GIGYF2: variants seen among roughly 807,000 people sequenced by gnomAD.
GIGYF2 encodes GRB10-interacting GYF protein 2.
GIGYF2 carries 25 observed loss-of-function variants against 208.1 expected under a neutral mutation model. The observed-to-expected ratio is 0.12, with a 90% CI of 0.09 to 0.17. The LOEUF (loss-of-function observed/expected upper bound fraction) is 0.17, where lower values mean the gene tolerates loss of function less well. GIGYF2 is among the 10% of genes least tolerant of loss of function. GIGYF2 has a pLI of 1.00. For synonymous variants in GIGYF2, 534 were observed against 543.8 expected (o/e 0.98, Z 0.25); for missense variants, 1,302 against 1,579.4 (o/e 0.82, Z 2.98).
At chr2:232,810,705 T>C (rs1000029477) in intron 16 of GIGYF2, 6 of 168,974 alleles carry the variant, frequency 3.6e-5, no homozygotes, top group Admixed American at 3.4e-4. Context: ...CAACAGAGAG[T>C]ATATGAGCTG....
chr2:232,796,966 C>G (rs867300917), intron 14 of GIGYF2, among the ~76,000 whole-genome samples: 13 of 152,126 alleles, frequency 8.5e-5, no homozygotes, highest in Admixed American at 2.0e-4. Context: ...GTTTAAGACG[C>G]TCAGCTCTGG....
At chr2:232,715,721 T>C (rs1696646366) in intron 2 of GIGYF2, among the ~76,000 whole-genome samples, 1 of 152,118 alleles carries the variant, frequency 6.6e-6, no homozygotes, top group South Asian at 2.1e-4. Flanking sequence ...TACTCAAAAA[T>C]GTTGGTGTAT....
chr2:232,747,921 TCA>T (rs148666172), intron 4 of GIGYF2, among the ~76,000 whole-genome samples, 177 bp downstream of exon 4: 3,416 of 152,336 alleles, frequency 0.022, 134 homozygotes, highest in African/African-American at 0.077. Flanking sequence ...CTAAGTGTTA[TCA>T]CACACTATAT....
chr2:232,847,529 G>GCAGCCGCCA lies in GIGYF2; in HGVS notation c.3646_3647insCGCCACAGC (p.Gln1215_Gln1216insProProGln), dbSNP rs1559168214. The stretch of plus-strand genomic sequence containing the variant: ...AGCAGCAGCTGCCACAGCAGCAGCA[G>GCAGCCGCCA]CAGCAGCCGCCACAGCAGCCGCCAC... On this transcript the variant is annotated inframe_insertion, in exon 27 of 29. Coordinates refer to ENST00000373563, the MANE Select transcript of GIGYF2 (RefSeq NM_001103146.3). The GCAGCCGCCA allele has an allele frequency of 3.1e-6, 5 of 1,607,012 alleles. No homozygotes were observed. Among genetic ancestry groups the GCAGCCGCCA allele is most frequent in the Admixed American group, 1.7e-5 (1 of 59,814 alleles).
At chr2:232,817,828 G>T (rs938185936) in intron 20 of GIGYF2, among the ~76,000 whole-genome samples, 2 of 152,154 alleles carry the variant, frequency 1.3e-5, no homozygotes. Flanking sequence ...GAATAATGCT[G>T]CTGTGAACAC....
At chr2:232,760,196 C>T (rs1698694804) in intron 6 of GIGYF2, 1 of 277,282 alleles carries the variant, frequency 3.6e-6, no homozygotes, top group African/African-American at 2.2e-5. Context: ...CACTATTCAA[C>T]TGTTCGTTAA....
intron 8 of GIGYF2, chr2:232,768,892 C>T: frequency 8.2e-7 from 1 of 1,226,414 alleles, no homozygotes; most frequent in Non-Finnish European, 1.1e-6. Flanking sequence ...AAGTGTATAT[C>T]AAATATTTAC....
At chr2:232,759,687 T>A (rs947784878) in intron 6 of GIGYF2, among the ~76,000 whole-genome samples, 2 of 152,284 alleles carry the variant, frequency 1.3e-5, no homozygotes, top group Non-Finnish European at 1.5e-5. Context: ...TTTTTTTTTT[T>A]AATTACAGTG....
intron 3 of GIGYF2, 21 bp downstream of exon 3, chr2:232,735,259 CT>C: frequency 6.4e-7 from 1 of 1,551,760 alleles, no homozygotes; most frequent in Non-Finnish European, 8.9e-7. Context: ...AAAATCTCAT[CT>C]TCTTTGATAT....
At chr2:232,795,581 G>A (rs1193407245) in intron 13 of GIGYF2, among the ~76,000 whole-genome samples, 2 of 152,088 alleles carry the variant, frequency 1.3e-5, no homozygotes, top group Non-Finnish European at 2.9e-5. Flanking sequence ...ATTTAGAGTT[G>A]ACCAACAGCT....
chr2:232,817,420 A>G (rs1700948555), intron 20 of GIGYF2, among the ~76,000 whole-genome samples: 1 of 152,228 alleles, frequency 6.6e-6, no homozygotes, highest in Non-Finnish European at 1.5e-5. Context: ...TACCATTTTA[A>G]GTGTACTTTC....
At chr2:232,813,903 T>C (rs1382418803) in intron 18 of GIGYF2, among the ~76,000 whole-genome samples, 1 of 146,624 alleles carries the variant, frequency 6.8e-6, no homozygotes, top group Admixed American at 6.8e-5. Flanking sequence ...TTTTTTTTTT[T>C]TTGAGACAGA....
At chr2:232,718,077 ATTT>A (rs1696772511) in intron 2 of GIGYF2, among the ~76,000 whole-genome samples, 4 of 151,786 alleles carry the variant, frequency 2.6e-5, no homozygotes, top group South Asian at 4.2e-4. Context: ...AATATCAGTA[ATTT>A]TTTTTGTTGT....
At chr2:232,823,230 T>C (rs1417815350) in intron 21 of GIGYF2, among the ~76,000 whole-genome samples, 2 of 152,196 alleles carry the variant, frequency 1.3e-5, no homozygotes, top group African/African-American at 2.4e-5. Context: ...TTGATACATA[T>C]GTTAACCTAA....
chr2:232,774,258 TAC>T (rs1238712058), intron 8 of GIGYF2, among the ~76,000 whole-genome samples: 3 of 152,320 alleles, frequency 2.0e-5, no homozygotes, highest in East Asian at 3.9e-4. Flanking sequence ...TTGTGAATAA[TAC>T]AGTTTCATTT....
rs371747681 is a variant in GIGYF2, at chr2:232,840,096, A to G, written c.2889+125A>G. 7.0e-5 allele frequency: 71 copies of G among 1,017,660 alleles called. No homozygotes were observed. In the African/African-American group the frequency reaches 8.3e-4, roughly 12 times the overall value. 63.0% of individuals were successfully genotyped at this position (1,017,660 alleles called of 1,614,324 possible). On this transcript the variant is annotated intron_variant, in intron 23 of 28. Coordinates refer to ENST00000373563, the MANE Select transcript of GIGYF2 (RefSeq NM_001103146.3). ...TGTTGTGTGTCTGAATTGGACGTTCATTATTAAACTTCAGCCCATAATTTG... is the reference window on the plus strand; with the variant it reads ...TGTTGTGTGTCTGAATTGGACGTTCGTTATTAAACTTCAGCCCATAATTTG...
chr2:232,756,303 T>C lies in GIGYF2; in HGVS notation c.348T>C (p.Ala116=). ...GRGGGGTVVG[A]PRGRSSSRGR... Reference sequence around the variant, plus strand: ...GAGGAGGAGGAACAGTGGTGGGGGCTCCTAGAGGTCGAAGTTCTTCAAGAG... The same window carrying C: ...GAGGAGGAGGAACAGTGGTGGGGGCCCCTAGAGGTCGAAGTTCTTCAAGAG... Residue 116 remains alanine, a synonymous_variant, in exon 6 of 29, where the codon GCT becomes GCC. Coordinates refer to ENST00000373563, the MANE Select transcript of GIGYF2 (RefSeq NM_001103146.3). 1 of 1,581,340 alleles carries C rather than the reference T, an allele frequency of 6.3e-7. No individual in the cohort carries two copies. The highest frequency in any genetic ancestry group is 8.6e-7 in the Non-Finnish European group (1 of 1,167,170).
intron 2 of GIGYF2, among the ~76,000 whole-genome samples, chr2:232,711,705 G>GTGTATATATATA (rs147184549): frequency 1.0e-4 from 12 of 115,770 alleles, no homozygotes; most frequent in Non-Finnish European, 1.5e-4. Context: ...TCACAATGAT[G>GTGTATATATATA]TATATATATA....
chr2:232,698,859 C>T (rs1331079499), intron 1 of GIGYF2, among the ~76,000 whole-genome samples: 1 of 152,150 alleles, frequency 6.6e-6, no homozygotes, highest in African/African-American at 2.4e-5. Context: ...ATTTGAGACT[C>T]TTGAGGTTTG....
Sources: gnomAD v4.1 joint callset for allele counts (sites outside exome capture counted in the v4.1 genomes callset) on GRCh38, gnomAD v4.1.1 for gene constraint, MANE v1.5 for transcripts, NCBI Gene and HGNC (gene_info 2026-07-23, HGNC 2026-07-21) for gene names.